NF1: variants seen among roughly 807,000 people sequenced by gnomAD.
NF1 encodes neurofibromin 1, also known as neurofibromin.
Under a neutral mutation model 325.7 loss-of-function variants are expected in NF1, and 122 were observed. The ratio of observed to expected loss-of-function variants is 0.37; its 90% CI spans 0.32 to 0.44. The LOEUF (loss-of-function observed/expected upper bound fraction) is 0.44. NF1 is among the 20% of genes least tolerant of loss of function. The pLI is 1.00. For synonymous variants in NF1, 1,091 were observed against 1,186.0 expected (o/e 0.92, Z 1.65); for missense variants, 2,140 against 3,415.4 (o/e 0.63, Z 9.31).
intron 3 of NF1, among the ~76,000 whole-genome samples, chr17:31,161,136 C>T (rs1376962164): frequency 6.6e-6 from 1 of 152,170 alleles, no homozygotes; most frequent in Non-Finnish European, 1.5e-5. Context: ...AAGAAAAATA[C>T]TTACCAATAT....
intron 1 of NF1, among the ~76,000 whole-genome samples, chr17:31,111,712 C>T (rs534396250): frequency 3.3e-5 from 5 of 152,232 alleles, no homozygotes; most frequent in African/African-American, 1.2e-4. Context: ...CAAAAGCTGA[C>T]AATTTATGAC....
chr17:31,175,613 G>A (rs949256814), intron 5 of NF1, among the ~76,000 whole-genome samples: 1 of 152,046 alleles, frequency 6.6e-6, no homozygotes, highest in African/African-American at 2.4e-5. Context: ...TGCCATGGTG[G>A]TTTGCTGCAC....
At chr17:31,231,974 G>T (rs769569850) in intron 24 of NF1, 99 bp from the exon 25 acceptor site, 9 of 717,354 alleles carry the variant, frequency 1.3e-5, no homozygotes, top group Non-Finnish European at 1.9e-5. Flanking sequence ...AGTTCCTAAG[G>T]TTTATATCTG....
At chr17:31,310,452 T>C (rs918839820) in intron 36 of NF1, among the ~76,000 whole-genome samples, 2 of 151,646 alleles carry the variant, frequency 1.3e-5, no homozygotes, top group Admixed American at 1.3e-4. Context: ...ATGATTGAAG[T>C]AGATGAAAGA....
At chr17:31,176,921 T>C (rs1421566029) in intron 5 of NF1, among the ~76,000 whole-genome samples, 1 of 152,190 alleles carries the variant, frequency 6.6e-6, no homozygotes, top group East Asian at 1.9e-4. Flanking sequence ...CCTTGTATAG[T>C]TTGAAGTCAG....
chr17:31,160,044 C>T (rs1399777474), intron 3 of NF1, among the ~76,000 whole-genome samples: 2 of 151,926 alleles, frequency 1.3e-5, no homozygotes, highest in Admixed American at 6.6e-5. Flanking sequence ...AACTGTGTAT[C>T]CCTAGGGAAG....
At chr17:31,166,852 A>T (rs2065855280) in intron 4 of NF1, among the ~76,000 whole-genome samples, 1 of 151,228 alleles carries the variant, frequency 6.6e-6, no homozygotes, top group Admixed American at 6.6e-5. Context: ...GAGATCAAAA[A>T]CCTCACTCAT....
intron 36 of NF1, among the ~76,000 whole-genome samples, chr17:31,297,800 A>G (rs983886647): frequency 6.6e-6 from 1 of 152,160 alleles, no homozygotes; most frequent in African/African-American, 2.4e-5. Context: ...TCAACCACTT[A>G]AGTGTTCCGT....
chr17:31,345,413 A>C, intron 48 of NF1: 1 of 1,245,138 alleles, frequency 8.0e-7, no homozygotes, highest in East Asian at 2.5e-5. Flanking sequence ...TCCCAGTGAG[A>C]GCGGAGGGTG....
At chr17:31,326,702 A>G (rs1181196274) in intron 37 of NF1, among the ~76,000 whole-genome samples, 6 of 152,156 alleles carry the variant, frequency 3.9e-5, no homozygotes, top group Non-Finnish European at 1.5e-5. Flanking sequence ...TTGTGTCATC[A>G]TGGAGGTCCT....
chr17:31,367,382 C>T (rs1191570182), intron 57 of NF1: 1 of 650,880 alleles, frequency 1.5e-6, no homozygotes, highest in Non-Finnish European at 2.4e-6. Flanking sequence ...TAAGCTCAGT[C>T]TGCCTTAGGC....
At chr17:31,246,296 G>A (rs1351814137) in intron 29 of NF1, among the ~76,000 whole-genome samples, 1 of 152,084 alleles carries the variant, frequency 6.6e-6, no homozygotes. Flanking sequence ...TGCAAATTCT[G>A]TGCCTCCTTT....
intron 11 of NF1, among the ~76,000 whole-genome samples, chr17:31,205,166 A>G (rs370767099): frequency 1.1e-4 from 16 of 152,176 alleles, no homozygotes; most frequent in East Asian, 3.8e-4. Flanking sequence ...ATATAACTCG[A>G]TGCTATTCAA....
At chr17:31,109,472 C>T (rs1490021623) in intron 1 of NF1, among the ~76,000 whole-genome samples, 2 of 152,016 alleles carry the variant, frequency 1.3e-5, no homozygotes, top group African/African-American at 4.8e-5. Context: ...CAACCTCCGC[C>T]TCCCAGGTTC....
chr17:31,322,501 CAAAAAAAAAAAAAAAAAAAAAAA>C (rs573045083), intron 36 of NF1, among the ~76,000 whole-genome samples: 4 of 44,802 alleles, frequency 8.9e-5, no homozygotes, highest in South Asian at 1.9e-3. Context: ...GACTCTGTCT[CAAAAAAAAAAAAAAAAAAAAAAA>C]AAAAAAAAAA....
chr17:31,142,929 C>T (rs1262481487), intron 1 of NF1, among the ~76,000 whole-genome samples: 1 of 151,614 alleles, frequency 6.6e-6, no homozygotes, highest in Non-Finnish European at 1.5e-5. Context: ...GATCACTTAC[C>T]TTTGAATTGC....
intron 36 of NF1, among the ~76,000 whole-genome samples, chr17:31,267,626 C>A (rs1053865281): frequency 6.6e-6 from 1 of 152,162 alleles, no homozygotes; most frequent in Non-Finnish European, 1.5e-5. Flanking sequence ...TTTGACTTCT[C>A]TTTTGATATT....
At chr17:31,113,198 C>A (rs1913578228) in intron 1 of NF1, among the ~76,000 whole-genome samples, 1 of 152,052 alleles carries the variant, frequency 6.6e-6, no homozygotes, top group Non-Finnish European at 1.5e-5. Flanking sequence ...TTTTTAGTTT[C>A]AATTTTTGAT....
intron 12 of NF1, among the ~76,000 whole-genome samples, chr17:31,211,674 G>A (rs1399679338): frequency 1.3e-5 from 2 of 152,144 alleles, no homozygotes; most frequent in Admixed American, 6.5e-5. Flanking sequence ...GAATACCTTA[G>A]GCAGTTGTAG....
Sources: gnomAD v4.1 joint callset for allele counts (sites outside exome capture counted in the v4.1 genomes callset) on GRCh38, gnomAD v4.1.1 for gene constraint, MANE v1.5 for transcripts, NCBI Gene and HGNC (gene_info 2026-07-23, HGNC 2026-07-21) for gene names.